Variants in TMEM108 observed in about 807,000 individuals in gnomAD.
The protein encoded by TMEM108 is cancer/testis antigen 124.
A neutral mutation model predicts 35.1 loss-of-function variants in TMEM108; 12 were observed. The ratio of observed to expected loss-of-function variants is 0.34; its 90% CI spans 0.22 to 0.55. TMEM108 has a LOEUF of 0.55. Among genes scored for constraint, TMEM108 ranks in the 20% least tolerant of loss-of-function variants. The probability of loss-of-function intolerance (pLI) is 0.89; values close to 1 mark genes in which losing one functional copy is unlikely to be tolerated. For synonymous variants in TMEM108, 287 were observed against 308.6 expected (o/e 0.93, Z 0.73); for missense variants, 680 against 753.3 (o/e 0.90, Z 1.14).
At chr3:133,136,212 A>G (rs780716531) in intron 2 of TMEM108, among the ~76,000 whole-genome samples, 5 of 152,216 alleles carry the variant, frequency 3.3e-5, no homozygotes, top group Non-Finnish European at 7.3e-5. Flanking sequence ...GCTTCTGAGC[A>G]CTGATTGCTC....
chr3:133,190,188 A>G (rs375122106), intron 2 of TMEM108, among the ~76,000 whole-genome samples: 25 of 152,296 alleles, frequency 1.6e-4, no homozygotes, highest in African/African-American at 5.3e-4. Flanking sequence ...AAGAATTGCA[A>G]TTTTGTGAAT....
intron 2 of TMEM108, among the ~76,000 whole-genome samples, chr3:133,152,378 T>C (rs1256492527): frequency 6.6e-6 from 1 of 152,182 alleles, no homozygotes; most frequent in Non-Finnish European, 1.5e-5. Context: ...TCTATTTTGT[T>C]CAAGAAGTAT....
chr3:133,207,845 C>T (rs1945780776), intron 2 of TMEM108, among the ~76,000 whole-genome samples: 3 of 152,162 alleles, frequency 2.0e-5, no homozygotes, highest in African/African-American at 7.2e-5. Context: ...AAACATACCA[C>T]ACTCAATGCA....
chr3:133,269,944 ACTTC>A (rs2107681172), intron 3 of TMEM108, among the ~76,000 whole-genome samples: 1 of 152,324 alleles, frequency 6.6e-6, no homozygotes, highest in East Asian at 1.9e-4. Context: ...AATAAGATCT[ACTTC>A]CTCCTCCTGG....
chr3:133,170,262 A>G (rs967406340), intron 2 of TMEM108, among the ~76,000 whole-genome samples: 1 of 152,184 alleles, frequency 6.6e-6, no homozygotes, highest in Non-Finnish European at 1.5e-5. Flanking sequence ...CACATTGTCC[A>G]CGTATGCAAA....
intron 3 of TMEM108, among the ~76,000 whole-genome samples, chr3:133,263,063 C>T (rs1946646451): frequency 6.6e-6 from 1 of 152,142 alleles, no homozygotes; most frequent in South Asian, 2.1e-4. Flanking sequence ...AAACCAATTG[C>T]TATGTTCCCT....
chr3:133,311,977 G>T (rs190661146), intron 3 of TMEM108, among the ~76,000 whole-genome samples: 35 of 152,338 alleles, frequency 2.3e-4, no homozygotes, highest in African/African-American at 7.5e-4. Context: ...TCTCTCAGCT[G>T]CAGGTCTGTT....
chr3:133,253,606 A>G (rs1056473144), intron 3 of TMEM108, among the ~76,000 whole-genome samples: 1 of 152,204 alleles, frequency 6.6e-6, no homozygotes, highest in African/African-American at 2.4e-5. Flanking sequence ...GTTACTGCTT[A>G]CTAAATTTAT....
chr3:133,132,377 C>T (rs1162266871), intron 2 of TMEM108, among the ~76,000 whole-genome samples: 1 of 152,134 alleles, frequency 6.6e-6, no homozygotes, highest in Non-Finnish European at 1.5e-5. Context: ...ACTCATGTAC[C>T]ATTCTAAAAG....
At chr3:133,350,132 T>A (rs2071946488) in intron 3 of TMEM108, among the ~76,000 whole-genome samples, 2 of 152,050 alleles carry the variant, frequency 1.3e-5, no homozygotes, top group Admixed American at 1.3e-4. Flanking sequence ...ACAACATGGA[T>A]CAGCTTGGAG....
intron 2 of TMEM108, among the ~76,000 whole-genome samples, chr3:133,053,190 G>A (rs925806943): frequency 3.9e-5 from 6 of 152,160 alleles, no homozygotes; most frequent in African/African-American, 1.4e-4. Context: ...GCCACAGAGA[G>A]TAGAGGAACT....
intron 3 of TMEM108, among the ~76,000 whole-genome samples, chr3:133,230,858 T>C (rs952408357): frequency 6.6e-5 from 10 of 152,236 alleles, no homozygotes; most frequent in Non-Finnish European, 1.3e-4. Context: ...TCCTCTTATA[T>C]TGAGCAACTC....
intron 2 of TMEM108, among the ~76,000 whole-genome samples, chr3:133,180,290 A>G (rs1037250484): frequency 6.6e-6 from 1 of 152,166 alleles, no homozygotes; most frequent in Non-Finnish European, 1.5e-5. Context: ...TACTGCCAAC[A>G]TACTTTTCAC....
At chr3:133,394,400 T>C (rs2073276475) in intron 5 of TMEM108, among the ~76,000 whole-genome samples, 1 of 152,244 alleles carries the variant, frequency 6.6e-6, no homozygotes, top group African/African-American at 2.4e-5. Context: ...TTCCATTCTT[T>C]TTTCTTTTTC....
chr3:133,240,315 A>C (rs1946295149), intron 3 of TMEM108, among the ~76,000 whole-genome samples: 1 of 152,202 alleles, frequency 6.6e-6, no homozygotes, highest in African/African-American at 2.4e-5. Context: ...CAGGTCCTTG[A>C]AAGTGTCATG....
chr3:133,397,157 G>A lies in TMEM108; in HGVS notation c.*1171G>A, dbSNP rs1259954063. 1 of 152,202 alleles carries A rather than the reference G, an allele frequency of 6.6e-6. No homozygotes were observed. The highest frequency in any genetic ancestry group is 1.5e-5 in the Non-Finnish European group (1 of 68,030). 9.4% of individuals were successfully genotyped at this position (152,202 alleles called of 1,614,324 possible). A position where few individuals can be genotyped will look rare whatever the true frequency, so the allele number is the denominator to read the frequency against. On this transcript the variant is annotated 3_prime_UTR_variant, in exon 6 of 6. Transcript: ENST00000321871. ...CACGGCCAACAACGTCAGACCCTCA[G>A]AGACGCCCAAGGGGCTTCCAGAGGT...
intron 2 of TMEM108, among the ~76,000 whole-genome samples, chr3:133,179,353 A>G (rs1945292517): frequency 6.6e-6 from 1 of 152,334 alleles, no homozygotes; most frequent in South Asian, 2.1e-4. Context: ...AGACACATGC[A>G]CACGTATGTT....
chr3:133,231,137 A>G (rs1428380072), intron 3 of TMEM108, among the ~76,000 whole-genome samples: 1 of 152,238 alleles, frequency 6.6e-6, no homozygotes, highest in Non-Finnish European at 1.5e-5. Flanking sequence ...TTTTTAAGAC[A>G]TTTAGTCTGT....
intron 2 of TMEM108, among the ~76,000 whole-genome samples, chr3:133,076,421 C>T (rs1374352782): frequency 1.3e-5 from 2 of 152,078 alleles, no homozygotes; most frequent in East Asian, 3.9e-4. Context: ...GAGATTGGAA[C>T]TTGGGTCTCA....
Sources: allele counts gnomAD v4.1 joint callset (sites outside exome capture counted in the v4.1 genomes callset), GRCh38; gene constraint gnomAD v4.1.1; transcripts MANE v1.5; gene names NCBI Gene and HGNC (gene_info 2026-07-23, HGNC 2026-07-21).